Variants in TDRD3 observed in about 807,000 individuals in gnomAD.
The protein encoded by TDRD3 is tudor domain containing 3.
Under a neutral mutation model 86.7 loss-of-function variants are expected in TDRD3, and 45 were observed. The ratio of observed to expected loss-of-function variants is 0.52; its 90% CI spans 0.41 to 0.67. The LOEUF (loss-of-function observed/expected upper bound fraction) is 0.67, where lower values mean the gene tolerates loss of function less well. Ranked by LOEUF, TDRD3 falls within the 30% of genes least tolerant of loss-of-function variation. TDRD3 has a pLI of 0.00. For synonymous variants in TDRD3, 298 were observed against 301.7 expected (o/e 0.99, Z 0.13); for missense variants, 814 against 889.0 (o/e 0.92, Z 1.07).
chr13:60,526,527 C>A (rs917480901), intron 10 of TDRD3, among the ~76,000 whole-genome samples: 3 of 151,656 alleles, frequency 2.0e-5, no homozygotes. Context: ...GACCATTTTT[C>A]TTCTCTCTAA....
intron 12 of TDRD3, among the ~76,000 whole-genome samples, chr13:60,564,111 A>T (rs957229111): frequency 7.9e-5 from 12 of 152,188 alleles, no homozygotes; most frequent in African/African-American, 2.9e-4. Flanking sequence ...ATTGAGTATT[A>T]GTTATTTAGT....
In TDRD3 at chr13:60,467,478, G is replaced by A. The variant is rs1042054211; in HGVS notation, c.495+99G>A. ...ATGAGTAAAATTAGTTCTTTGTGTC[G>A]GAGTTGAATAGAATGGAATATGATT... is the stretch of plus-strand genomic sequence containing the variant. On this transcript the variant is annotated intron_variant, in intron 5 of 13. Transcript: ENST00000377881. 121 of 1,329,268 alleles carry A rather than the reference G, an allele frequency of 9.1e-5. 2 individuals are homozygous for A. In the South Asian group the frequency reaches 9.9e-4, roughly 11 times the overall value. 82.3% of individuals were successfully genotyped at this position (1,329,268 alleles called of 1,614,324 possible).
At chr13:60,493,693 T>C (rs1458188157) in intron 7 of TDRD3, among the ~76,000 whole-genome samples, 1 of 152,120 alleles carries the variant, frequency 6.6e-6, no homozygotes, top group Non-Finnish European at 1.5e-5. Flanking sequence ...AAAAATATTG[T>C]TTAACCAAAT....
At chr13:60,496,031 G>C (rs971463711) in intron 8 of TDRD3, among the ~76,000 whole-genome samples, 3 of 151,852 alleles carry the variant, frequency 2.0e-5, no homozygotes, top group African/African-American at 7.3e-5. Context: ...ACTTGGGAAA[G>C]GCAGACCCAC....
At chr13:60,440,558 G>A (rs1955238858) in intron 2 of TDRD3, among the ~76,000 whole-genome samples, 1 of 152,116 alleles carries the variant, frequency 6.6e-6, no homozygotes. Flanking sequence ...GTGTGTGCCT[G>A]TAGTTCCAGC....
At chr13:60,405,842 G>T (rs1954220719) in intron 1 of TDRD3, among the ~76,000 whole-genome samples, 1 of 152,212 alleles carries the variant, frequency 6.6e-6, no homozygotes, top group Non-Finnish European at 1.5e-5. Context: ...AGAAAATGGA[G>T]CTGGGCAGGA....
chr13:60,535,410 A>G, intron 12 of TDRD3, 177 bp downstream of exon 12: 1 of 510,084 alleles, frequency 2.0e-6, no homozygotes, highest in Non-Finnish European at 3.0e-6. Context: ...AACTACAATA[A>G]AAATGAATGC....
chr13:60,552,912 G>C (rs1240020932), intron 12 of TDRD3, among the ~76,000 whole-genome samples: 1 of 152,204 alleles, frequency 6.6e-6, no homozygotes, highest in Admixed American at 6.5e-5. Flanking sequence ...ACCAAGTTCT[G>C]GGGCTGCACA....
intron 10 of TDRD3, among the ~76,000 whole-genome samples, chr13:60,521,371 G>T (rs753738760): frequency 6.6e-6 from 1 of 151,830 alleles, no homozygotes; most frequent in African/African-American, 2.4e-5. Flanking sequence ...TGATTCTGTC[G>T]TAGCTAAGCA....
intron 5 of TDRD3, among the ~76,000 whole-genome samples, chr13:60,471,585 T>C (rs1956077135): frequency 6.6e-6 from 1 of 152,148 alleles, no homozygotes; most frequent in Non-Finnish European, 1.5e-5. Context: ...TTATGTTGAC[T>C]CTATTGACCA....
intron 3 of TDRD3, among the ~76,000 whole-genome samples, chr13:60,447,303 C>T (rs1041900920): frequency 1.3e-5 from 2 of 152,174 alleles, no homozygotes; most frequent in African/African-American, 4.8e-5. Context: ...GACATCCAGA[C>T]ATAGGGTCAT....
Position 60,397,300 on chromosome 13 carries a change from C to T in TDRD3, c.-65C>T. The T allele has an allele frequency of 1.3e-6, 1 of 799,144 alleles. No individual in the cohort carries two copies. The highest frequency in any genetic ancestry group is 1.8e-6 in the Non-Finnish European group (1 of 552,248). 49.5% of individuals were successfully genotyped at this position (799,144 alleles called of 1,614,324 possible). A position where few individuals can be genotyped will look rare whatever the true frequency, so the allele number is the denominator to read the frequency against. The stretch of plus-strand genomic sequence containing the variant: ...TTTTTTTTTTTAAGGGGGGGGGTCT[C>T]AAGTAGGAGGCCTCCCCATCACCCC... On this transcript the variant is annotated 5_prime_UTR_variant, in exon 1 of 14. Transcript: ENST00000377881.
chr13:60,567,419 G>A, intron 12 of TDRD3, 106 bp from the exon 13 acceptor site: 1 of 1,434,858 alleles, frequency 7.0e-7, no homozygotes, highest in Non-Finnish European at 9.6e-7. Context: ...GTGAATTCCA[G>A]GGCAGCTTAA....
At chr13:60,425,879 C>A (rs751521409) in intron 1 of TDRD3, among the ~76,000 whole-genome samples, 15 of 151,996 alleles carry the variant, frequency 9.9e-5, no homozygotes, top group Non-Finnish European at 2.2e-4. Context: ...GTAACATTTT[C>A]TTTTTATTGT....
intron 1 of TDRD3, among the ~76,000 whole-genome samples, chr13:60,439,343 G>C (rs931248156): frequency 6.6e-6 from 1 of 152,082 alleles, no homozygotes; most frequent in African/African-American, 2.4e-5. Context: ...CTCTTTTTAA[G>C]ATCTTATGGT....
chr13:60,557,050 C>CA (rs2137932491), intron 12 of TDRD3, among the ~76,000 whole-genome samples: 1 of 151,728 alleles, frequency 6.6e-6, no homozygotes, highest in South Asian at 2.1e-4. Context: ...ACTAAAAATA[C>CA]AAAAAATTAG....
chr13:60,401,247 A>C (rs569408635), intron 1 of TDRD3, among the ~76,000 whole-genome samples: 2 of 152,214 alleles, frequency 1.3e-5, no homozygotes, highest in Non-Finnish European at 2.9e-5. Context: ...AAAAATAAAA[A>C]AAAATAAAAA....
chr13:60,565,141 C>T (rs924775962), intron 12 of TDRD3, among the ~76,000 whole-genome samples: 4 of 142,296 alleles, frequency 2.8e-5, no homozygotes, highest in East Asian at 2.2e-4. Context: ...CTGCAAGCTT[C>T]GCCTCCCGGG....
chr13:60,409,056 A>AG (rs1321205816), intron 1 of TDRD3, among the ~76,000 whole-genome samples: 1 of 152,224 alleles, frequency 6.6e-6, no homozygotes, highest in Non-Finnish European at 1.5e-5. Flanking sequence ...CTTGGCTGAA[A>AG]GGGGCCAACA....
Sources: allele counts gnomAD v4.1 joint callset (sites outside exome capture counted in the v4.1 genomes callset), GRCh38; gene constraint gnomAD v4.1.1; transcripts MANE v1.5; gene names NCBI Gene and HGNC (gene_info 2026-07-23, HGNC 2026-07-21).